Variants in GRIP1 observed in about 807,000 individuals in gnomAD.
GRIP1 encodes glutamate receptor interacting protein 1, also known as glutamate receptor-interacting protein 1.
A neutral mutation model predicts 129.9 loss-of-function variants in GRIP1; 45 were observed. The observed-to-expected ratio is 0.35, with a 90% CI of 0.27 to 0.44. The LOEUF (loss-of-function observed/expected upper bound fraction) is 0.44, where lower values mean the gene tolerates loss of function less well. GRIP1 is among the 20% of genes least tolerant of loss of function. The pLI is 1.00. For synonymous variants in GRIP1, 530 were observed against 520.8 expected (o/e 1.02, Z -0.24); for missense variants, 1,196 against 1,396.8 (o/e 0.86, Z 2.29).
chr12:66,792,515 G>A (rs2038573992), intron 1 of GRIP1, among the ~76,000 whole-genome samples: 2 of 151,922 alleles, frequency 1.3e-5, no homozygotes, highest in African/African-American at 4.8e-5. Flanking sequence ...GAACAGCCTG[G>A]GCAATATGGC....
chr12:66,353,355 G>A (rs891867328), intron 24 of GRIP1, 62 bp downstream of exon 24: 2 of 1,157,590 alleles, frequency 1.7e-6, no homozygotes, highest in Non-Finnish European at 2.6e-6. Flanking sequence ...GCAGGAGGAT[G>A]TGGAGGAAGC....
intron 1 of GRIP1, among the ~76,000 whole-genome samples, chr12:66,753,904 A>G (rs2037204582): frequency 6.6e-6 from 1 of 152,266 alleles, no homozygotes; most frequent in Admixed American, 6.5e-5. Flanking sequence ...CACAACAGAA[A>G]AAGAAAAGAT....
chr12:66,761,567 ACT>A (rs2037477445), intron 1 of GRIP1, among the ~76,000 whole-genome samples: 2 of 151,214 alleles, frequency 1.3e-5, no homozygotes, highest in Non-Finnish European at 2.9e-5. Context: ...TGGAATTGTG[ACT>A]CTCCTATGGC....
chr12:66,749,511 T>C (rs150866685), intron 1 of GRIP1, among the ~76,000 whole-genome samples: 3 of 152,226 alleles, frequency 2.0e-5, no homozygotes, highest in African/African-American at 7.2e-5. Context: ...TTGTATATTT[T>C]CTGCAGTGTT....
At chr12:66,962,631 T>C (rs1303200616) in intron 1 of GRIP1, among the ~76,000 whole-genome samples, 1 of 152,112 alleles carries the variant, frequency 6.6e-6, no homozygotes, top group African/African-American at 2.4e-5. Context: ...TACACTTTAA[T>C]GAGCCAGTAA....
At chr12:66,763,165 T>A (rs2037525919) in intron 1 of GRIP1, among the ~76,000 whole-genome samples, 1 of 152,226 alleles carries the variant, frequency 6.6e-6, no homozygotes, top group Admixed American at 6.5e-5. Context: ...TAATCCTTGC[T>A]GTCCTTAAAG....
intron 1 of GRIP1, among the ~76,000 whole-genome samples, chr12:66,748,101 C>T (rs546848135): frequency 6.6e-6 from 1 of 152,202 alleles, no homozygotes; most frequent in African/African-American, 2.4e-5. Context: ...TCACTGCAAC[C>T]TCCACCTTCT....
chr12:66,516,243 T>C (rs2060840828), intron 6 of GRIP1, among the ~76,000 whole-genome samples: 1 of 152,184 alleles, frequency 6.6e-6, no homozygotes, highest in African/African-American at 2.4e-5. Flanking sequence ...TACTGATTTA[T>C]AAGGCCATTT....
chr12:66,459,650 T>C (rs765161256), intron 9 of GRIP1, among the ~76,000 whole-genome samples: 13 of 152,238 alleles, frequency 8.5e-5, no homozygotes, highest in Non-Finnish European at 1.9e-4. Flanking sequence ...TTTGAATTAC[T>C]ACTGGGGATT....
At chr12:66,442,864 A>T (rs2058508087) in intron 13 of GRIP1, among the ~76,000 whole-genome samples, 1 of 152,192 alleles carries the variant, frequency 6.6e-6, no homozygotes, top group Non-Finnish European at 1.5e-5. Flanking sequence ...TTAACTTTCT[A>T]TATGCTGCTA....
intron 1 of GRIP1, among the ~76,000 whole-genome samples, chr12:66,859,918 T>C (rs1271737915): frequency 6.6e-6 from 1 of 152,050 alleles, no homozygotes; most frequent in African/African-American, 2.4e-5. Flanking sequence ...GAAGGTCCCC[T>C]ATCTGCAGCC....
intron 1 of GRIP1, among the ~76,000 whole-genome samples, chr12:67,065,702 AC>A (rs2043613129): frequency 6.6e-6 from 1 of 152,250 alleles, no homozygotes; most frequent in Admixed American, 6.5e-5. Context: ...ATAAACATTT[AC>A]TAATCAAAGG....
intron 1 of GRIP1, among the ~76,000 whole-genome samples, chr12:66,598,044 A>G (rs970163892): frequency 6.6e-5 from 10 of 152,214 alleles, no homozygotes; most frequent in African/African-American, 2.2e-4. Context: ...TGTTGTTACC[A>G]TTTTATAATA....
intron 1 of GRIP1, among the ~76,000 whole-genome samples, chr12:66,822,499 G>A (rs1592878202): frequency 6.6e-6 from 1 of 151,924 alleles, no homozygotes; most frequent in Non-Finnish European, 1.5e-5. Context: ...CCCATTACTT[G>A]GTATATATCC....
chr12:66,889,360 C>G, intron 1 of GRIP1, among the ~76,000 whole-genome samples: 1 of 152,134 alleles, frequency 6.6e-6, no homozygotes, highest in East Asian at 1.9e-4. Context: ...ACTCGGGAGG[C>G]TGAGGCAGGA....
intron 1 of GRIP1, among the ~76,000 whole-genome samples, chr12:66,874,700 TTCAC>T (rs758614718): frequency 2.9e-4 from 44 of 152,032 alleles, no homozygotes; most frequent in Admixed American, 7.2e-4. Flanking sequence ...GTTGTGATAA[TTCAC>T]TCACTCACTA....
intron 1 of GRIP1, among the ~76,000 whole-genome samples, chr12:67,009,706 A>G (rs2042677593): frequency 6.6e-6 from 1 of 152,154 alleles, no homozygotes; most frequent in Non-Finnish European, 1.5e-5. Context: ...TCCTCATCCA[A>G]GACAAATCAT....
intron 1 of GRIP1, among the ~76,000 whole-genome samples, chr12:67,024,717 C>T (rs991811480): frequency 6.6e-6 from 1 of 152,104 alleles, no homozygotes; most frequent in Non-Finnish European, 1.5e-5. Context: ...TACAAAAGAT[C>T]ACTAATACAA....
At chr12:66,827,387 T>TGAGAGAGAGAGAGAGA (rs112366252) in intron 1 of GRIP1, among the ~76,000 whole-genome samples, 1 of 108,226 alleles carries the variant, frequency 9.2e-6, no homozygotes, top group African/African-American at 3.6e-5. Flanking sequence ...TGTGTGTGTG[T>TGAGAGAGAGAGAGAGA]GAGAGAGAGA....
Sources: gnomAD v4.1 joint callset for allele counts (sites outside exome capture counted in the v4.1 genomes callset) on GRCh38, gnomAD v4.1.1 for gene constraint, MANE v1.5 for transcripts, NCBI Gene and HGNC (gene_info 2026-07-23, HGNC 2026-07-21) for gene names.